The following VWF variants were observed in gnomAD, a reference collection of about 807,000 sequenced individuals.
VWF encodes von Willebrand factor.
In VWF, 176 loss-of-function variants were observed where a neutral mutation model predicts 308.6. That is an observed-to-expected ratio of 0.57 (90% CI 0.50 to 0.65). The LOEUF (loss-of-function observed/expected upper bound fraction) is 0.65. VWF is among the 30% of genes least tolerant of loss of function. The pLI, the probability that VWF is intolerant of heterozygous loss-of-function variation, is 0.00. For missense variants in VWF, 3,146 were observed against 3,648.2 expected, an observed-to-expected ratio of 0.86 and a Z score of 3.55; for synonymous variants, 1,385 against 1,443.4, an observed-to-expected ratio of 0.96 and a Z score of 0.92.
intron 6 of VWF, among the ~76,000 whole-genome samples, chr12:6,089,954 T>C (rs1945012506): frequency 6.8e-6 from 1 of 147,448 alleles, no homozygotes; most frequent in African/African-American, 2.6e-5. Context: ...AAATCTGTCC[T>C]CTTTTTTCTT....
At chr12:6,015,996 CA>C (rs1944052263) in intron 31 of VWF, 92 bp downstream of exon 31, 2 of 1,545,972 alleles carry the variant, frequency 1.3e-6, no homozygotes, top group Non-Finnish European at 1.8e-6. Flanking sequence ...ATATCAGCCA[CA>C]ACATCCAAAA....
At chr12:6,011,136 A>G (rs1270532698) in intron 34 of VWF, among the ~76,000 whole-genome samples, 2 of 152,226 alleles carry the variant, frequency 1.3e-5, no homozygotes, top group Admixed American at 6.5e-5. Flanking sequence ...AACCCAGCCC[A>G]TGGATGACAT....
chr12:5,981,855 G>A lies in VWF; in HGVS notation c.7218C>T (p.Pro2406=). Reference sequence around the variant, plus strand: ...TGGCAGTTGAGGCCAAGTACCCAAGGGGACAGCTCACTGTGGAGTTGACAC... The same window carrying A: ...TGGCAGTTGAGGCCAAGTACCCAAGAGGACAGCTCACTGTGGAGTTGACAC... ...CNCVNSTVSC[P]LGYLASTATN... Residue 2406 remains proline, a synonymous_variant, in exon 42 of 52, where the codon CCC becomes CCT. Transcript: ENST00000261405. The A allele has an allele frequency of 6.2e-7, 1 of 1,614,074 alleles. No individual in the cohort carries two copies.
At chr12:6,086,231 C>G (rs1610056) in intron 6 of VWF, among the ~76,000 whole-genome samples, 26,040 of 152,144 alleles carry the variant, frequency 0.17, 2,657 homozygotes, top group East Asian at 0.45. Flanking sequence ...TTGGACCTCA[C>G]TAAAGCACTT....
chr12:5,997,204 A>AACG (rs756183265), intron 34 of VWF, among the ~76,000 whole-genome samples: 1 of 152,224 alleles, frequency 6.6e-6, no homozygotes, highest in Non-Finnish European at 1.5e-5. Context: ...AGTTCTACTA[A>AACG]AAATCCCCTA....
In VWF at chr12:6,078,121, G is replaced by C. The variant is rs79837239; in HGVS notation, c.658-2570C>G. Among the ~76,000 whole-genome samples, 373 of 152,222 alleles carry C rather than the reference G, an allele frequency of 2.5e-3. 1 individual carries two copies. The highest frequency in any genetic ancestry group is 7.8e-3 in the African/African-American group (325 of 41,548). On this transcript the variant is annotated intron_variant, in intron 6 of 51. Transcript: ENST00000261405. ...CACTAGGCTTACCCTCTAGAATAGT[G>C]AGCAGGTCCCCAGCAGGACAGAAGG...
At chr12:6,045,985 G>A (rs931872355) in intron 17 of VWF, among the ~76,000 whole-genome samples, 10 of 152,184 alleles carry the variant, frequency 6.6e-5, no homozygotes, top group Non-Finnish European at 1.5e-4. Context: ...CACTTTGGGA[G>A]GCCGAGGCAG....
chr12:5,996,864 A>G (rs568853977), intron 34 of VWF, among the ~76,000 whole-genome samples: 9 of 152,166 alleles, frequency 5.9e-5, no homozygotes, highest in Non-Finnish European at 1.3e-4. Flanking sequence ...ATTGGTGAAT[A>G]CTGATCATTT....
At chr12:6,085,617 T>C (rs888334474) in intron 6 of VWF, among the ~76,000 whole-genome samples, 9 of 150,714 alleles carry the variant, frequency 6.0e-5, no homozygotes, top group Non-Finnish European at 8.8e-5. Context: ...TATCCAACTC[T>C]CCTCAAGGGC....
chr12:6,036,498 G>C lies in VWF; in HGVS notation c.2443-7C>G, dbSNP rs932498544. On this transcript the variant is annotated splice_polypyrimidine_tract_variant and splice_region_variant and intron_variant, in intron 18 of 51. Coordinates refer to ENST00000261405, the MANE Select transcript of VWF (RefSeq NM_000552.5). ...ATCTGTTCTCATGCCGGACCTAAGA[G>C]AAAAGAATCCAAAAGTCCTCAGGGC... The C allele has an allele frequency of 6.2e-7, 1 of 1,614,024 alleles. No homozygotes were observed. The highest frequency in any genetic ancestry group is 8.5e-7 in the Non-Finnish European group (1 of 1,179,890).
chr12:5,988,605 G>A (rs895678390), intron 38 of VWF, among the ~76,000 whole-genome samples: 1 of 152,342 alleles, frequency 6.6e-6, no homozygotes, highest in African/African-American at 2.4e-5. Context: ...CTCCGCTGGG[G>A]ATTTTCATTT....
chr12:5,983,546 TGATA>T (rs1383359720), intron 40 of VWF, among the ~76,000 whole-genome samples: 2 of 131,868 alleles, frequency 1.5e-5, no homozygotes, highest in African/African-American at 2.5e-5. Flanking sequence ...GATAGATGGA[TGATA>T]GATAGAGGAT....
intron 50 of VWF, among the ~76,000 whole-genome samples, chr12:5,951,377 C>T (rs1446237063): frequency 1.3e-5 from 2 of 152,146 alleles, no homozygotes; most frequent in South Asian, 2.1e-4. Flanking sequence ...CTGGTGGCTT[C>T]GCTTTCTCTT....
intron 34 of VWF, among the ~76,000 whole-genome samples, chr12:5,998,484 A>G (rs1943832511): frequency 1.7e-5 from 1 of 59,910 alleles, no homozygotes; most frequent in South Asian, 6.9e-4. Context: ...AAAAAAAAAA[A>G]AAAAAAAAAA....
At chr12:5,971,783 C>A in intron 43 of VWF, 74 bp from the exon 44 acceptor site, 2 of 1,293,916 alleles carry the variant, frequency 1.5e-6, no homozygotes, top group Non-Finnish European at 2.2e-6. Context: ...ACGCCTCCTG[C>A]GTACTGAGCC....
rs187821649 is a variant in VWF, at chr12:6,042,634, G to A, written c.2442+1657C>T. 9.9e-4 allele frequency among the ~76,000 whole-genome samples: 151 copies of A among 152,278 alleles called. 1 individual carries two copies. The highest frequency in any genetic ancestry group is 3.5e-3 in the African/African-American group (146 of 41,548). On this transcript the variant is annotated intron_variant, in intron 18 of 51. Coordinates refer to ENST00000261405, the MANE Select transcript of VWF (RefSeq NM_000552.5). ...CTGTGGCTGAAGTGCGAGTCACCTC[G>A]TCACGTGACAGGTATCCAAGTGCTG...
chr12:5,994,276 G>A, intron 36 of VWF, 73 bp from the exon 37 acceptor site: 1 of 1,597,022 alleles, frequency 6.3e-7, no homozygotes, highest in Non-Finnish European at 8.6e-7. Context: ...GCCAGAGACA[G>A]GCCATTCTTG....
chr12:6,025,817 C>A, intron 23 of VWF, 89 bp downstream of exon 23: 1 of 1,608,256 alleles, frequency 6.2e-7, no homozygotes, highest in Admixed American at 1.7e-5. Flanking sequence ...CACCCACAAC[C>A]CCCCTTCCAG....
At chr12:5,967,458 C>A in intron 47 of VWF, 28 bp downstream of exon 47, 1 of 1,603,944 alleles carries the variant, frequency 6.2e-7, no homozygotes, top group Non-Finnish European at 8.5e-7. Context: ...CCAGTCCATG[C>A]CCTCGGTCCC....
Sources: gnomAD v4.1 joint callset for allele counts (sites outside exome capture counted in the v4.1 genomes callset) on GRCh38, gnomAD v4.1.1 for gene constraint, MANE v1.5 for transcripts, NCBI Gene and HGNC (gene_info 2026-07-23, HGNC 2026-07-21) for gene names.